Variants in APPBP2 observed in about 807,000 individuals in gnomAD.
APPBP2 encodes amyloid beta precursor protein binding protein 2.
APPBP2 carries 15 observed loss-of-function variants against 76.0 expected under a neutral mutation model. The ratio of observed to expected loss-of-function variants is 0.20; its 90% confidence interval spans 0.13 to 0.30. APPBP2 has a LOEUF of 0.30. Among genes scored for constraint, APPBP2 ranks in the 10% least tolerant of loss-of-function variants. The pLI is 1.00. For synonymous variants in APPBP2, 222 were observed against 242.2 expected (o/e 0.92, Z 0.77); for missense variants, 401 against 687.2 (o/e 0.58, Z 4.66).
chr17:60,466,403 T>A lies in APPBP2; in HGVS notation c.560A>T (p.Lys187Ile). ...TTTATCCATATATGTCTGAGCTAAT[T>A]TAAATGTTTCTTCACCCAAATGATA... Reference protein sequence around the residue: ...CKYHLGEETFKLAQTYMDKLS... With the variant: ...CKYHLGEETFILAQTYMDKLS... The change falls in exon 5 of 13, where the codon AAA becomes ATA. Residue 187 changes from lysine (K) to isoleucine (I), a missense_variant. Physicochemically the swap from Lys to Ile is moderately radical, Grantham distance 102. Coordinates refer to ENST00000083182, the MANE Select transcript of APPBP2 (RefSeq NM_006380.5). 6.2e-7 allele frequency: 1 copy of A among 1,613,854 alleles called. No individual in the cohort carries two copies. Among genetic ancestry groups the A allele is most frequent in the Non-Finnish European group, 8.5e-7 (1 of 1,180,004 alleles).
chr17:60,525,888 T>C lies in APPBP2; in HGVS notation c.44A>G (p.Asn15Ser). 1.2e-6 allele frequency: 2 copies of C among 1,613,874 alleles called. No homozygotes were observed. The highest frequency in any genetic ancestry group is 1.7e-6 in the Non-Finnish European group (2 of 1,179,962). ...ELEWIPETLY[N>S]TAISAVVDNY... ...GTCCACGACAGCGGAGATGGCGGTG[T>C]TATAGAGAGTCTCTGGGATCCACTC... is the stretch of plus-strand genomic sequence containing the variant. The change falls in exon 1 of 13, where the codon AAC becomes AGC. Residue 15 changes from asparagine (N) to serine (S), a missense_variant. Physicochemically the swap from Asn to Ser is conservative, Grantham distance 46. Around this residue, in one of 5 missense-constraint regions of APPBP2, gnomAD observed 149 missense variants for 198.4 expected, o/e 0.75. Coordinates refer to ENST00000083182, the MANE Select transcript of APPBP2 (RefSeq NM_006380.5).
rs988655656 is a variant in APPBP2 at position 60,500,260 on chromosome 17, G to A, written c.227+139C>T. ...CTGACCTCGTGATCTGCCCACCTCA[G>A]CCTCCCAAAGTGCTGGGATTACAGG... On this transcript the variant is annotated intron_variant, in intron 2 of 12. Coordinates refer to ENST00000083182, the MANE Select transcript of APPBP2 (RefSeq NM_006380.5). 5 of 575,538 alleles carry A rather than the reference G, an allele frequency of 8.7e-6. No individual in the cohort carries two copies. The East Asian group carries it at 1.6e-4, about 18-fold the overall frequency. 35.7% of individuals were successfully genotyped at this position (575,538 alleles called of 1,614,324 possible).
At chr17:60,479,448 G>A (rs1177374098) in intron 3 of APPBP2, among the ~76,000 whole-genome samples, 177 bp from the exon 4 acceptor site, 4 of 152,152 alleles carry the variant, frequency 2.6e-5, no homozygotes, top group Admixed American at 6.5e-5. Flanking sequence ...TTTGAACTAC[G>A]GGAAGGAGGG....
intron 3 of APPBP2, among the ~76,000 whole-genome samples, chr17:60,488,134 C>A (rs2090695975): frequency 6.6e-6 from 1 of 152,148 alleles, no homozygotes; most frequent in Non-Finnish European, 1.5e-5. Flanking sequence ...TCAGTCAGCC[C>A]CTACTGGGAG....
At chr17:60,521,552 A>G (rs957363702) in intron 1 of APPBP2, among the ~76,000 whole-genome samples, 1 of 152,104 alleles carries the variant, frequency 6.6e-6, no homozygotes, top group African/African-American at 2.4e-5. Flanking sequence ...AGCGGGCCAC[A>G]CGTGGCCCAG....
At chr17:60,486,105 T>A (rs2090675333) in intron 3 of APPBP2, among the ~76,000 whole-genome samples, 2 of 152,118 alleles carry the variant, frequency 1.3e-5, no homozygotes, top group Non-Finnish European at 2.9e-5. Flanking sequence ...TGCCAAGGAG[T>A]GCTTTACTTT....
chr17:60,498,632 T>C (rs1013331626), intron 2 of APPBP2, among the ~76,000 whole-genome samples: 2 of 151,984 alleles, frequency 1.3e-5, no homozygotes, highest in Non-Finnish European at 2.9e-5. Flanking sequence ...GCACATAACA[T>C]AGGTGATTCT....
At chr17:60,471,260 A>G (rs913245218) in intron 4 of APPBP2, among the ~76,000 whole-genome samples, 1 of 152,170 alleles carries the variant, frequency 6.6e-6, no homozygotes, top group African/African-American at 2.4e-5. Context: ...GATTAAGTCC[A>G]ACAAATCTAT....
intron 3 of APPBP2, among the ~76,000 whole-genome samples, chr17:60,489,590 G>A (rs553132593): frequency 5.0e-5 from 7 of 138,638 alleles, no homozygotes; most frequent in Admixed American, 4.7e-4. Context: ...CAGTCTGGGC[G>A]ACAGAGTGGG....
chr17:60,482,213 A>G (rs2090635409), intron 3 of APPBP2, among the ~76,000 whole-genome samples: 2 of 152,204 alleles, frequency 1.3e-5, no homozygotes, highest in Admixed American at 6.5e-5. Flanking sequence ...CTTAATTTTA[A>G]GAAATGTGTT....
At chr17:60,517,293 G>A (rs916249187) in intron 1 of APPBP2, among the ~76,000 whole-genome samples, 1 of 152,072 alleles carries the variant, frequency 6.6e-6, no homozygotes, top group Non-Finnish European at 1.5e-5. Context: ...TGCTATTAAT[G>A]TACAGTTCTT....
At chr17:60,454,758 G>C (rs1419304840) in intron 10 of APPBP2, among the ~76,000 whole-genome samples, 1 of 152,104 alleles carries the variant, frequency 6.6e-6, no homozygotes, top group African/African-American at 2.4e-5. Flanking sequence ...TATTTTAATA[G>C]ACTGCTATAC....
intron 2 of APPBP2, among the ~76,000 whole-genome samples, chr17:60,498,660 G>A (rs2090797049): frequency 6.6e-6 from 1 of 151,614 alleles, no homozygotes; most frequent in South Asian, 2.1e-4. Flanking sequence ...CAATACTGGG[G>A]GAAAAAAAAG....
intron 1 of APPBP2, among the ~76,000 whole-genome samples, chr17:60,502,181 ACTCT>A (rs1195370313): frequency 6.6e-6 from 1 of 152,000 alleles, no homozygotes; most frequent in Non-Finnish European, 1.5e-5. Context: ...CCTGCCTCAG[ACTCT>A]CTGAGTGCTG....
intron 3 of APPBP2, among the ~76,000 whole-genome samples, chr17:60,481,669 A>G (rs2090630514): frequency 6.6e-6 from 1 of 152,212 alleles, no homozygotes. Flanking sequence ...AAATACTACA[A>G]TAGAGCTGGG....
rs1428626106 is a variant in APPBP2, at chr17:60,452,064, A to G, written c.1339-19T>C. 8 of 1,608,308 alleles carry G rather than the reference A, an allele frequency of 5.0e-6. No individual in the cohort carries two copies. Among genetic ancestry groups the G allele is most frequent in the South Asian group, 2.2e-5 (2 of 90,060 alleles). On this transcript the variant is annotated intron_variant, in intron 11 of 12. Coordinates refer to ENST00000083182, the MANE Select transcript of APPBP2 (RefSeq NM_006380.5). Reference sequence around the variant, plus strand: ...CAGCTTCCTGAAAAACAATTATGCCATATCAATCATTATACTTTTTCTCAT... The same window carrying G: ...CAGCTTCCTGAAAAACAATTATGCCGTATCAATCATTATACTTTTTCTCAT...
chr17:60,503,155 G>A (rs1053422152), intron 1 of APPBP2, among the ~76,000 whole-genome samples: 4 of 144,418 alleles, frequency 2.8e-5, no homozygotes, highest in Admixed American at 6.7e-5. Context: ...CTGGACTACC[G>A]GCGCGGGATA....
At chr17:60,472,007 T>C (rs1864926853) in intron 4 of APPBP2, among the ~76,000 whole-genome samples, 2 of 152,158 alleles carry the variant, frequency 1.3e-5, no homozygotes, top group South Asian at 2.1e-4. Context: ...GAGCCTGTAA[T>C]CCCAGCTACT....
chr17:60,470,474 C>T (rs1423070029), intron 4 of APPBP2, among the ~76,000 whole-genome samples: 1 of 152,212 alleles, frequency 6.6e-6, no homozygotes, highest in Non-Finnish European at 1.5e-5. Flanking sequence ...CTATTTTGCT[C>T]AGGCTGGTCT....
Sources: gnomAD v4.1 joint callset for allele counts (sites outside exome capture counted in the v4.1 genomes callset) on GRCh38, gnomAD v4.1.1 for gene constraint, gnomAD v4.1.1 regional missense constraint, MANE v1.5 for transcripts, NCBI Gene and HGNC (gene_info 2026-07-23, HGNC 2026-07-21) for gene names.